SH3RF2: variants seen among roughly 807,000 people sequenced by gnomAD.
SH3RF2 encodes the protein SH3 domain containing ring finger 2.
SH3RF2 carries 43 observed loss-of-function variants against 59.0 expected under a neutral mutation model. The ratio of observed to expected loss-of-function variants is 0.73; its 90% confidence interval spans 0.57 to 0.94. SH3RF2 has a LOEUF of 0.94. SH3RF2 is among the 40% of genes least tolerant of loss of function. The probability of loss-of-function intolerance (pLI) is 0.00; values close to 1 mark genes in which losing one functional copy is unlikely to be tolerated. For synonymous variants in SH3RF2, 391 were observed against 391.5 expected, an observed-to-expected ratio of 1.00 and a Z score of 0.01; for missense variants, 930 against 940.1, an observed-to-expected ratio of 0.99 and a Z score of 0.14.
chr5:145,997,458 G>C (rs555492105), intron 2 of SH3RF2: 1 of 1,530,624 alleles, frequency 6.5e-7, no homozygotes, highest in African/African-American at 1.4e-5. Flanking sequence ...TTATGTCTTT[G>C]TGAAAAATGG....
intron 9 of SH3RF2, among the ~76,000 whole-genome samples, chr5:146,068,331 G>A (rs2150027350): frequency 1.3e-5 from 2 of 152,322 alleles, no homozygotes; most frequent in South Asian, 4.1e-4. Context: ...GCTGTGGCAG[G>A]CAGAACGGCA....
At chr5:145,976,995 A>G (rs1295950891) in intron 2 of SH3RF2, among the ~76,000 whole-genome samples, 4 of 152,252 alleles carry the variant, frequency 2.6e-5, no homozygotes, top group African/African-American at 9.6e-5. Context: ...TAGGCAAAGT[A>G]AGAAATTGTT....
At chr5:146,032,666 A>C (rs72818497) in intron 5 of SH3RF2, among the ~76,000 whole-genome samples, 1 of 152,116 alleles carries the variant, frequency 6.6e-6, no homozygotes, top group Non-Finnish European at 1.5e-5. Context: ...ACCTCAGCTC[A>C]GGGCCAAAGC....
intron 2 of SH3RF2, among the ~76,000 whole-genome samples, chr5:145,977,686 G>A (rs1759347465): frequency 6.6e-6 from 1 of 152,234 alleles, no homozygotes; most frequent in Non-Finnish European, 1.5e-5. Context: ...GTCACAGCTA[G>A]TTTGTGGTAG....
At chr5:146,043,404 T>G (rs1762191888) in intron 5 of SH3RF2, among the ~76,000 whole-genome samples, 1 of 152,132 alleles carries the variant, frequency 6.6e-6, no homozygotes, top group Non-Finnish European at 1.5e-5. Flanking sequence ...TCGAGCTGAG[T>G]CAAGCTAAGG....
At position 146,059,999 on chromosome 5, in the gene SH3RF2, C is replaced by T. The variant is rs376465734; in HGVS notation, c.1689C>T (p.Pro563=). 5.6e-6 allele frequency: 9 copies of T among 1,597,684 alleles called. No individual in the cohort carries two copies. The highest frequency in any genetic ancestry group is 1.7e-4 in the Middle Eastern group (1 of 5,978). The change falls in exon 9 of 10, where the codon CCC becomes CCT. Residue 563 remains proline (P), a synonymous_variant. Coordinates refer to ENST00000359120, the MANE Select transcript of SH3RF2 (RefSeq NM_152550.4). ...FYQPQGIPSS[P]SAVVVEMGSK... ...AGCCACAGGGGATCCCCTCCTCCCCCTCAGCCGTGGTGGTGGAGATGGGGT... is the reference window on the plus strand; with the variant it reads ...AGCCACAGGGGATCCCCTCCTCCCCTTCAGCCGTGGTGGTGGAGATGGGGT...
chr5:146,034,934 C>T (rs193019453), intron 5 of SH3RF2, among the ~76,000 whole-genome samples: 1 of 152,174 alleles, frequency 6.6e-6, no homozygotes, highest in Non-Finnish European at 1.5e-5. Context: ...GGTGAAACCC[C>T]ATCTCTACTA....
At chr5:146,027,354 G>T (rs168711) in intron 5 of SH3RF2, among the ~76,000 whole-genome samples, 43,051 of 152,098 alleles carry the variant, frequency 0.28, 7,717 homozygotes, top group Non-Finnish European at 0.38. Flanking sequence ...GTTTTTTCTG[G>T]GAATGCTGTC....
intron 2 of SH3RF2, chr5:145,997,305 C>T: frequency 9.6e-7 from 1 of 1,036,506 alleles, no homozygotes; most frequent in Non-Finnish European, 1.5e-6. Context: ...CAAAAAGCAG[C>T]TAGTGAAACC....
intron 2 of SH3RF2, among the ~76,000 whole-genome samples, chr5:145,983,218 G>A (rs540149743): frequency 2.0e-5 from 3 of 151,284 alleles, no homozygotes; most frequent in South Asian, 4.2e-4. Context: ...TTTATACCAG[G>A]GAAATTGGCA....
intron 2 of SH3RF2, among the ~76,000 whole-genome samples, chr5:145,963,962 A>G (rs1758745954): frequency 6.6e-6 from 1 of 150,980 alleles, no homozygotes; most frequent in Admixed American, 6.6e-5. Flanking sequence ...CCTCCCCAGT[A>G]GTTGGGACTA....
intron 5 of SH3RF2, among the ~76,000 whole-genome samples, chr5:146,031,742 T>G (rs973205275): frequency 6.6e-5 from 10 of 152,200 alleles, no homozygotes; most frequent in Admixed American, 6.5e-4. Flanking sequence ...GTGTCCATGC[T>G]TTAGTGCTTT....
intron 5 of SH3RF2, among the ~76,000 whole-genome samples, chr5:146,016,006 G>A (rs1561743578): frequency 6.6e-6 from 1 of 152,090 alleles, no homozygotes; most frequent in Admixed American, 6.5e-5. Flanking sequence ...CTGTGGTTGG[G>A]TCTGGCTCAT....
At position 146,004,083 on chromosome 5, in the gene SH3RF2, G is replaced by A. The variant is rs1251613488; in HGVS notation, c.674G>A (p.Arg225Gln). 1.7e-5 allele frequency: 28 copies of A among 1,612,794 alleles called. No homozygotes were observed. Among genetic ancestry groups the A allele is most frequent in the Middle Eastern group, 3.3e-4 (2 of 6,068 alleles). ...GACGATATCATCACTGTGATCAGCC[G>A]AGTGGATGAGAACTGGGCAGAAGGC... ...LKDDIITVIS[R>Q]VDENWAEGKL... is the part of the protein sequence containing the mutation. The change falls in exon 4 of 10, where the codon CGA becomes CAA. Residue 225 changes from arginine (R) to glutamine (Q), a missense_variant. Transcript: ENST00000359120.
intron 2 of SH3RF2, among the ~76,000 whole-genome samples, chr5:145,965,632 G>A (rs1758829778): frequency 6.6e-6 from 1 of 152,156 alleles, no homozygotes. Context: ...GAGGTAATTG[G>A]TGTTTACACT....
chr5:146,055,558 C>T (rs1762635666), intron 7 of SH3RF2, among the ~76,000 whole-genome samples: 1 of 152,204 alleles, frequency 6.6e-6, no homozygotes, highest in African/African-American at 2.4e-5. Flanking sequence ...AAATCTCTGC[C>T]TTCAAAGACT....
intron 2 of SH3RF2, among the ~76,000 whole-genome samples, chr5:145,999,217 C>T (rs1159865858): frequency 6.6e-6 from 1 of 152,160 alleles, no homozygotes; most frequent in African/African-American, 2.4e-5. Flanking sequence ...CCTCATCTCT[C>T]TCAGCCTTCA....
intron 6 of SH3RF2, among the ~76,000 whole-genome samples, chr5:146,048,281 C>G (rs947683410): frequency 6.6e-6 from 1 of 151,574 alleles, no homozygotes; most frequent in African/African-American, 2.4e-5. Context: ...TCCCACTGCT[C>G]TCCAGCCTGG....
chr5:146,051,438 T>C (rs1762492799), intron 7 of SH3RF2, among the ~76,000 whole-genome samples: 1 of 152,158 alleles, frequency 6.6e-6, no homozygotes, highest in Admixed American at 6.5e-5. Context: ...ATCATAATCC[T>C]GGGGAGAGGT....
Sources: allele counts gnomAD v4.1 joint callset (sites outside exome capture counted in the v4.1 genomes callset), GRCh38; gene constraint gnomAD v4.1.1; transcripts MANE v1.5; gene names NCBI Gene and HGNC (gene_info 2026-07-23, HGNC 2026-07-21).